The following METTL15 variants were observed in gnomAD, a reference collection of about 807,000 sequenced individuals.
The protein encoded by METTL15 is methyltransferase 15, mitochondrial 12S rRNA N4-cytidine.
Under a neutral mutation model 38.3 loss-of-function variants are expected in METTL15, and 34 were observed. That is an observed-to-expected ratio of 0.89 (90% CI 0.68 to 1.18). The LOEUF is 1.18. Among genes scored for constraint, METTL15 ranks in the 50% most tolerant of loss-of-function variants. METTL15 has a pLI of 0.00. For synonymous variants in METTL15, 162 were observed against 170.9 expected (o/e 0.95, Z 0.41); for missense variants, 438 against 498.4 (o/e 0.88, Z 1.15).
At chr11:28,285,998 A>G (rs931042333) in intron 4 of METTL15, among the ~76,000 whole-genome samples, 16 of 151,960 alleles carry the variant, frequency 1.1e-4, no homozygotes, top group Admixed American at 9.9e-4. Flanking sequence ...GAGATATTAT[A>G]TCTATCAGGC....
chr11:28,317,523 C>T (rs1857522014), intron 6 of METTL15, among the ~76,000 whole-genome samples: 1 of 152,066 alleles, frequency 6.6e-6, no homozygotes, highest in African/African-American at 2.4e-5. Flanking sequence ...TTGACAGCCA[C>T]AGCACGATGC....
chr11:28,377,642 G>C lies in METTL15; in HGVS notation c.*358+15606G>C, dbSNP rs1056480323. 1.1e-4 allele frequency among the ~76,000 whole-genome samples: 17 copies of C among 152,140 alleles called. 1 individual carries two copies. In the East Asian group the frequency reaches 3.3e-3, roughly 29 times the overall value. On this transcript the variant is annotated intron_variant and NMD_transcript_variant, in intron 5 of 7. Transcript: ENST00000532947. Reference sequence around the variant, plus strand: ...GCTCAGAGTAATTTGATCGTCTGAAGCCTTCTTCTCTCAGCTCGTCAAAGT... The same window carrying C: ...GCTCAGAGTAATTTGATCGTCTGAACCCTTCTTCTCTCAGCTCGTCAAAGT...
intron 6 of METTL15, among the ~76,000 whole-genome samples, chr11:28,521,229 A>T (rs1004717933): frequency 4.4e-4 from 67 of 152,206 alleles, no homozygotes; most frequent in African/African-American, 1.6e-3. Flanking sequence ...GCCCTTATTT[A>T]GTGCCAAGTA....
intron 3 of METTL15, among the ~76,000 whole-genome samples, chr11:28,196,128 G>C (rs1208596188): frequency 6.6e-6 from 1 of 152,014 alleles, no homozygotes; most frequent in Non-Finnish European, 1.5e-5. Flanking sequence ...TGAAATTGAA[G>C]TAATGTGTTG....
chr11:28,496,511 GTT>G (rs1851536846), intron 6 of METTL15, among the ~76,000 whole-genome samples: 1 of 152,204 alleles, frequency 6.6e-6, no homozygotes, highest in Admixed American at 6.5e-5. Context: ...CCACCATAAA[GTT>G]TACAGGTTTT....
At chr11:28,468,520 A>C (rs2133461448) in intron 6 of METTL15, among the ~76,000 whole-genome samples, 1 of 152,324 alleles carries the variant, frequency 6.6e-6, no homozygotes, top group Non-Finnish European at 1.5e-5. Flanking sequence ...TCTTTTTAAG[A>C]GACCAAGGGG....
rs138755009 is a variant in METTL15 at position 28,458,419 on chromosome 11, A to C, written c.*424+34055A>C. On this transcript the variant is annotated intron_variant and NMD_transcript_variant, in intron 6 of 7. Transcript: ENST00000532947. ...TAACTGGGACTTAGATATCCATAAA[A>C]CTTGCCCAATGTTTTATAGCTCCCA... 4.5e-3 allele frequency among the ~76,000 whole-genome samples: 690 copies of C among 152,302 alleles called. 1 individual carries two copies. The highest frequency in any genetic ancestry group is 0.016 in the African/African-American group (648 of 41,560).
intron 4 of METTL15, among the ~76,000 whole-genome samples, chr11:28,262,122 C>T (rs971054579): frequency 2.0e-5 from 3 of 152,012 alleles, no homozygotes; most frequent in Non-Finnish European, 4.4e-5. Context: ...AATCACTAAA[C>T]CAGTGGATTT....
At chr11:28,378,500 C>T (rs1056364236) in intron 5 of METTL15, among the ~76,000 whole-genome samples, 1 of 152,216 alleles carries the variant, frequency 6.6e-6, no homozygotes, top group Non-Finnish European at 1.5e-5. Context: ...GGCAATGCCT[C>T]GCCCTGCTTC....
At chr11:28,402,019 A>T (rs191396761) in intron 5 of METTL15, among the ~76,000 whole-genome samples, 208 of 152,116 alleles carry the variant, frequency 1.4e-3, no homozygotes, top group Non-Finnish European at 2.6e-3. Context: ...ATGTGCATGA[A>T]GCCTTCTAAA....
intron 4 of METTL15, among the ~76,000 whole-genome samples, chr11:28,354,616 A>AT (rs1051899170): frequency 6.6e-6 from 1 of 152,154 alleles, no homozygotes; most frequent in African/African-American, 2.4e-5. Flanking sequence ...ATGAAAAAAA[A>AT]CCCTGACTTT....
intron 4 of METTL15, among the ~76,000 whole-genome samples, chr11:28,238,042 C>T (rs575631491): frequency 9.2e-5 from 14 of 152,294 alleles, no homozygotes; most frequent in East Asian, 1.9e-4. Flanking sequence ...TTAGGCTGCT[C>T]GGGGGTCAGG....
At chr11:28,230,319 A>G (rs958047467) in intron 4 of METTL15, among the ~76,000 whole-genome samples, 1 of 151,978 alleles carries the variant, frequency 6.6e-6, no homozygotes, top group Non-Finnish European at 1.5e-5. Context: ...ATTTGGCTTA[A>G]AAGTTTCAAA....
At chr11:28,417,089 G>GTTGTAAATGATA (rs1162470678) in intron 5 of METTL15, among the ~76,000 whole-genome samples, 1 of 152,142 alleles carries the variant, frequency 6.6e-6, no homozygotes, top group African/African-American at 2.4e-5. Flanking sequence ...AAATGATTCT[G>GTTGTAAATGATA]AGGCTATGTC....
intron 3 of METTL15, among the ~76,000 whole-genome samples, chr11:28,341,921 AG>A (rs1849956381): frequency 6.6e-6 from 1 of 152,138 alleles, no homozygotes; most frequent in South Asian, 2.1e-4. Flanking sequence ...TAATTGGCCC[AG>A]GGGTAGACTA....
At chr11:28,390,504 G>C (rs561673480) in intron 5 of METTL15, among the ~76,000 whole-genome samples, 54 of 152,234 alleles carry the variant, frequency 3.5e-4, no homozygotes, top group African/African-American at 1.3e-3. Context: ...CCCATTGCTT[G>C]TTTTTCTCAG....
At chr11:28,342,637 G>A (rs978820939) in intron 3 of METTL15, among the ~76,000 whole-genome samples, 1 of 152,120 alleles carries the variant, frequency 6.6e-6, no homozygotes, top group South Asian at 2.1e-4. Flanking sequence ...ATCAGTTTGG[G>A]TTGGATTTCT....
intron 6 of METTL15, among the ~76,000 whole-genome samples, chr11:28,318,248 G>A (rs1050293720): frequency 2.0e-5 from 3 of 152,204 alleles, no homozygotes; most frequent in African/African-American, 7.2e-5. Flanking sequence ...CACCTGCTGT[G>A]TACCAGGCCT....
chr11:28,361,319 CTGT>C (rs1175980575), intron 4 of METTL15, among the ~76,000 whole-genome samples: 1 of 151,590 alleles, frequency 6.6e-6, no homozygotes, highest in East Asian at 1.9e-4. Context: ...TCTCCAGCAC[CTGT>C]TGTTTCCTGA....
Sources: allele counts gnomAD v4.1 joint callset (sites outside exome capture counted in the v4.1 genomes callset), GRCh38; gene constraint gnomAD v4.1.1; transcripts MANE v1.5; gene names NCBI Gene and HGNC (gene_info 2026-07-23, HGNC 2026-07-21).